The following SLC4A10 variants were observed in gnomAD, a reference collection of about 807,000 sequenced individuals.
SLC4A10 encodes sodium-driven chloride bicarbonate exchanger.
A neutral mutation model predicts 137.7 loss-of-function variants in SLC4A10; 42 were observed. The ratio of observed to expected loss-of-function variants is 0.30; its 90% CI spans 0.24 to 0.39. The LOEUF (loss-of-function observed/expected upper bound fraction) is 0.39. SLC4A10 is among the 10% of genes least tolerant of loss of function. SLC4A10 has a pLI of 1.00. For missense variants in SLC4A10, 925 were observed against 1,355.0 expected (o/e 0.68, Z 4.98); for synonymous variants, 474 against 464.1 (o/e 1.02, Z -0.27).
At position 161,780,660 on chromosome 2, in the gene SLC4A10, T is replaced by TA. The variant is rs577604830; in HGVS notation, c.130+9612dup. ...CGGCTCATATAAATCAATGATTTTT[T>TA]AAAAAATTCTTTCATTTCGATTTAA... On this transcript the variant is annotated intron_variant, in intron 2 of 26. Transcript: ENST00000446997. Among the ~76,000 whole-genome samples, 224 of 152,176 alleles carry TA rather than the reference T, an allele frequency of 1.5e-3. 1 individual carries two copies. Among genetic ancestry groups the TA allele is most frequent in the African/African-American group, 5.2e-3 (216 of 41,554 alleles).
intron 15 of SLC4A10, among the ~76,000 whole-genome samples, chr2:161,922,804 T>C (rs62188850): frequency 0.067 from 10,202 of 152,246 alleles, 446 homozygotes; most frequent in East Asian, 0.13. Flanking sequence ...TAAAAACACA[T>C]TTGGCTTCTA....
At chr2:161,919,083 C>T (rs917046136) in intron 15 of SLC4A10, among the ~76,000 whole-genome samples, 1 of 152,200 alleles carries the variant, frequency 6.6e-6, no homozygotes, top group African/African-American at 2.4e-5. Flanking sequence ...TGTGGCCAAG[C>T]CTGGGTGCTC....
intron 13 of SLC4A10, 78 bp downstream of exon 13, chr2:161,904,256 T>C (rs1259147519): frequency 1.4e-6 from 2 of 1,416,682 alleles, no homozygotes; most frequent in African/African-American, 1.4e-5. Flanking sequence ...GAGCATTTAA[T>C]TTTGGATTCT....
intron 3 of SLC4A10, among the ~76,000 whole-genome samples, chr2:161,812,854 G>A (rs1341862019): frequency 6.6e-6 from 1 of 151,842 alleles, no homozygotes; most frequent in African/African-American, 2.4e-5. Flanking sequence ...TCTGATTTCT[G>A]CTCTGTATCC....
chr2:161,737,089 G>T (rs1466577335), intron 1 of SLC4A10, among the ~76,000 whole-genome samples: 1 of 151,896 alleles, frequency 6.6e-6, no homozygotes, highest in Non-Finnish European at 1.5e-5. Context: ...AAACTCCTGG[G>T]CTCAAGAGAT....
At chr2:161,753,163 A>G (rs2049181451) in intron 1 of SLC4A10, among the ~76,000 whole-genome samples, 1 of 152,168 alleles carries the variant, frequency 6.6e-6, no homozygotes, top group Admixed American at 6.6e-5. Flanking sequence ...CATATGGCAT[A>G]AAATATGAGT....
At chr2:161,802,315 C>A (rs1461313304) in intron 2 of SLC4A10, among the ~76,000 whole-genome samples, 1 of 151,940 alleles carries the variant, frequency 6.6e-6, no homozygotes, top group Non-Finnish European at 1.5e-5. Context: ...TAGTTTCATG[C>A]CAATCTCACC....
chr2:161,969,743 C>A (rs1030446956), intron 23 of SLC4A10, among the ~76,000 whole-genome samples: 1 of 151,892 alleles, frequency 6.6e-6, no homozygotes, highest in Non-Finnish European at 1.5e-5. Flanking sequence ...CCCTGTGATC[C>A]CAATGCAGGA....
intron 2 of SLC4A10, among the ~76,000 whole-genome samples, chr2:161,787,088 T>C (rs1212605930): frequency 6.6e-6 from 1 of 152,128 alleles, no homozygotes; most frequent in East Asian, 1.9e-4. Flanking sequence ...ACAACACCTT[T>C]GAGCATTTCT....
chr2:161,882,566 C>T (rs539899370), intron 10 of SLC4A10, 122 bp downstream of exon 10: 62 of 495,844 alleles, frequency 1.3e-4, no homozygotes, highest in African/African-American at 1.0e-3. Context: ...CCCATTCTCC[C>T]ATGCTTCTGC....
chr2:161,863,444 A>G (rs2060547512), intron 6 of SLC4A10, among the ~76,000 whole-genome samples: 1 of 152,244 alleles, frequency 6.6e-6, no homozygotes, highest in South Asian at 2.1e-4. Context: ...TTTAGTTTAA[A>G]GGAATCATGA....
intron 15 of SLC4A10, among the ~76,000 whole-genome samples, chr2:161,907,567 G>A (rs1046124767): frequency 2.0e-5 from 3 of 152,154 alleles, no homozygotes; most frequent in Admixed American, 6.5e-5. Flanking sequence ...AATGAGTGCC[G>A]GGTTAAGAGG....
At chr2:161,903,686 G>A (rs540644859) in intron 12 of SLC4A10, among the ~76,000 whole-genome samples, 19 of 152,270 alleles carry the variant, frequency 1.2e-4, no homozygotes, top group South Asian at 8.3e-4. Context: ...GTAGGTTGAC[G>A]TAGAAATGGC....
intron 1 of SLC4A10, among the ~76,000 whole-genome samples, chr2:161,635,424 G>A (rs2034253872): frequency 6.6e-6 from 1 of 152,034 alleles, no homozygotes; most frequent in South Asian, 2.1e-4. Context: ...CCTCCAAAAA[G>A]TCCACAAGGA....
intron 3 of SLC4A10, 26 bp from the exon 4 acceptor site, chr2:161,839,763 G>A (rs2059064376): frequency 1.2e-6 from 2 of 1,612,348 alleles, no homozygotes; most frequent in Admixed American, 1.7e-5. Context: ...ACATGTTCAT[G>A]GTAATACATG....
intron 1 of SLC4A10, among the ~76,000 whole-genome samples, chr2:161,736,757 C>G (rs554441740): frequency 2.1e-4 from 32 of 152,196 alleles, no homozygotes; most frequent in Middle Eastern, 3.4e-3. Context: ...CACAGCCAAA[C>G]CATATCAGAC....
chr2:161,654,083 T>A (rs2037181317), intron 1 of SLC4A10, among the ~76,000 whole-genome samples: 2 of 152,180 alleles, frequency 1.3e-5, no homozygotes, highest in South Asian at 4.1e-4. Flanking sequence ...CCACCACAGG[T>A]GTGAAGTGAT....
intron 1 of SLC4A10, among the ~76,000 whole-genome samples, chr2:161,683,549 G>T (rs943625596): frequency 1.1e-4 from 16 of 152,278 alleles, no homozygotes; most frequent in Admixed American, 3.3e-4. Context: ...CCTTGAAGTT[G>T]CAGATGGCAT....
rs544523584 is a variant in SLC4A10 at position 161,924,518 on chromosome 2, A to C, written c.1998-18274A>C. Among the ~76,000 whole-genome samples, 19 of 152,266 alleles carry C rather than the reference A, an allele frequency of 1.2e-4. No homozygotes were observed. The South Asian group carries it at 3.9e-3, about 32-fold the overall frequency. On this transcript the variant is annotated intron_variant, in intron 15 of 26. Coordinates refer to ENST00000446997, the MANE Select transcript of SLC4A10 (RefSeq NM_001178015.2). The stretch of plus-strand genomic sequence containing the variant: ...CATATATAAATACAAATAAATCTTT[A>C]ACTTATTTATTTTTAAATTTGAATT...
Sources: allele counts gnomAD v4.1 joint callset (sites outside exome capture counted in the v4.1 genomes callset), GRCh38; gene constraint gnomAD v4.1.1; transcripts MANE v1.5; gene names NCBI Gene and HGNC (gene_info 2026-07-23, HGNC 2026-07-21).